Variants in PDE1A observed in about 807,000 individuals in gnomAD.
PDE1A encodes dual specificity calcium/calmodulin-dependent 3',5'-cyclic nucleotide phosphodiesterase 1A.
In PDE1A, 35 loss-of-function variants were observed where a neutral mutation model predicts 61.7. The observed-to-expected ratio is 0.57, with a 90% CI of 0.43 to 0.75. The LOEUF (loss-of-function observed/expected upper bound fraction) is 0.75, where lower values mean the gene tolerates loss of function less well. Ranked by LOEUF, PDE1A falls within the 30% of genes least tolerant of loss-of-function variation. The probability of loss-of-function intolerance (pLI) is 0.00; values close to 1 mark genes in which losing one functional copy is unlikely to be tolerated. For missense variants in PDE1A, 597 were observed against 630.6 expected, an observed-to-expected ratio of 0.95 and a Z score of 0.57; for synonymous variants, 232 against 213.2, an observed-to-expected ratio of 1.09 and a Z score of -0.77.
rs145626816 is a variant in PDE1A, at chr2:182,503,005, T to TTC, written c.101+19269_101+19270dup. ...AGACCCAGTTGTTCAGGTTCTCTCTTTCTCTCTCTCTCTCTCCCCCTCCCC... is the reference window on the plus strand; with the variant it reads ...AGACCCAGTTGTTCAGGTTCTCTCTTTCTCTCTCTCTCTCTCTCCCCCTCCCC... On this transcript the variant is annotated intron_variant, in intron 2 of 14. Transcript: ENST00000410103. Among the ~76,000 whole-genome samples the TTC allele has an allele frequency of 1.5e-3, 189 of 127,486 alleles. 1 individual carries two copies. Among genetic ancestry groups the TTC allele is most frequent in the African/African-American group, 5.6e-3 (181 of 32,326 alleles). The allele number at this position is 127,486 out of a possible 152,430, so 83.6% of individuals were successfully genotyped here. A position where few individuals can be genotyped will look rare whatever the true frequency, so the allele number is the denominator to read the frequency against.
chr2:182,209,203 A>G (rs1277896435), intron 7 of PDE1A, among the ~76,000 whole-genome samples: 2 of 152,292 alleles, frequency 1.3e-5, no homozygotes, highest in East Asian at 1.9e-4. Flanking sequence ...AGGCCTCACA[A>G]TCATGGTGGA....
intron 1 of PDE1A, among the ~76,000 whole-genome samples, chr2:182,273,394 T>C (rs1288579224): frequency 6.6e-6 from 1 of 151,836 alleles, no homozygotes; most frequent in Non-Finnish European, 1.5e-5. Flanking sequence ...AAGTTGATAG[T>C]GATGTTGAGA....
chr2:182,561,284 T>G, the PDE1A span, among the ~76,000 whole-genome samples: 1 of 152,202 alleles, frequency 6.6e-6, no homozygotes, highest in East Asian at 1.9e-4. Context: ...GGGTAGCCAG[T>G]CTTCCCAGCA....
the PDE1A span, among the ~76,000 whole-genome samples, chr2:182,708,536 A>C: frequency 3.3e-5 from 5 of 152,080 alleles, no homozygotes; most frequent in African/African-American, 1.2e-4. Flanking sequence ...GGTTTAATTG[A>C]CTCACAGTTC....
downstream of PDE1A, among the ~76,000 whole-genome samples, chr2:182,143,493 A>AT (rs1690327884): frequency 6.6e-6 from 1 of 151,896 alleles, no homozygotes; most frequent in Non-Finnish European, 1.5e-5. Context: ...TTTTTAAAAA[A>AT]TTTTAATTAA....
chr2:182,495,663 A>C (rs1265029648), intron 2 of PDE1A, among the ~76,000 whole-genome samples: 3 of 152,200 alleles, frequency 2.0e-5, no homozygotes, highest in Non-Finnish European at 4.4e-5. Flanking sequence ...CCAAGAGGCA[A>C]CAAGTAGTCT....
chr2:182,296,409 G>A (rs1694887307), intron 1 of PDE1A, among the ~76,000 whole-genome samples: 2 of 152,098 alleles, frequency 1.3e-5, no homozygotes, highest in Admixed American at 6.5e-5. Flanking sequence ...CAAATATTTG[G>A]ATGTCTGAGT....
intron 2 of PDE1A, among the ~76,000 whole-genome samples, chr2:182,261,596 G>A (rs1692223206): frequency 6.6e-6 from 1 of 152,112 alleles, no homozygotes; most frequent in Non-Finnish European, 1.5e-5. Context: ...CCACGAAGCA[G>A]GGCAGCGTTG....
intron 2 of PDE1A, among the ~76,000 whole-genome samples, chr2:182,462,044 A>G (rs572363940): frequency 2.4e-4 from 37 of 152,238 alleles, no homozygotes; most frequent in Middle Eastern, 6.8e-3. Context: ...TTTAAAAAGT[A>G]TTCTCAGCAA....
chr2:182,573,794 A>G, the PDE1A span, among the ~76,000 whole-genome samples: 1 of 149,218 alleles, frequency 6.7e-6, no homozygotes. Flanking sequence ...TAATATATAA[A>G]ATTCTAGTAA....
At chr2:182,610,924 A>C in the PDE1A span, among the ~76,000 whole-genome samples, 1 of 152,262 alleles carries the variant, frequency 6.6e-6, no homozygotes, top group African/African-American at 2.4e-5. Flanking sequence ...GTGGTTACAA[A>C]GTATTTTATA....
chr2:182,573,357 A>G, the PDE1A span, among the ~76,000 whole-genome samples: 1 of 152,312 alleles, frequency 6.6e-6, no homozygotes, highest in South Asian at 2.1e-4. Flanking sequence ...TAGAGGACAG[A>G]GAGAAACAAG....
At chr2:182,241,582 ATG>A (rs1690515545) in intron 2 of PDE1A, among the ~76,000 whole-genome samples, 1 of 152,226 alleles carries the variant, frequency 6.6e-6, no homozygotes, top group Non-Finnish European at 1.5e-5. Context: ...GGAACTCTTC[ATG>A]TTCCTTTAAA....
chr2:182,204,875 C>T (rs1435614060), intron 8 of PDE1A, among the ~76,000 whole-genome samples: 3 of 152,222 alleles, frequency 2.0e-5, no homozygotes, highest in Admixed American at 1.3e-4. Flanking sequence ...CTCTACCTGA[C>T]AGCATTTTCT....
the PDE1A span, among the ~76,000 whole-genome samples, chr2:182,647,857 G>A: frequency 1.3e-5 from 2 of 152,056 alleles, no homozygotes; most frequent in Middle Eastern, 3.2e-3. Context: ...TTCTGTCATT[G>A]ACAGGAAGAG....
the PDE1A span, among the ~76,000 whole-genome samples, chr2:182,577,431 T>C: frequency 6.6e-6 from 1 of 152,226 alleles, no homozygotes; most frequent in African/African-American, 2.4e-5. Flanking sequence ...TTCCCCCAGA[T>C]GGCAAAGCTC....
intron 1 of PDE1A, among the ~76,000 whole-genome samples, chr2:182,307,119 G>C (rs1483476516): frequency 6.6e-6 from 1 of 152,070 alleles, no homozygotes; most frequent in African/African-American, 2.4e-5. Flanking sequence ...CAAATAACCT[G>C]ATTAAAACAT....
chr2:182,453,897 A>G (rs1350930746), intron 2 of PDE1A, among the ~76,000 whole-genome samples: 1 of 151,978 alleles, frequency 6.6e-6, no homozygotes, highest in Non-Finnish European at 1.5e-5. Flanking sequence ...TATTCAACAC[A>G]GTGTTGGAAG....
intron 1 of PDE1A, among the ~76,000 whole-genome samples, chr2:182,283,527 A>G (rs1693958708): frequency 1.3e-5 from 2 of 151,972 alleles, no homozygotes; most frequent in African/African-American, 4.8e-5. Flanking sequence ...GGGCTCCGGG[A>G]TTTTGATATT....
Sources: allele counts gnomAD v4.1 joint callset (sites outside exome capture counted in the v4.1 genomes callset), GRCh38; gene constraint gnomAD v4.1.1; transcripts MANE v1.5; gene names NCBI Gene and HGNC (gene_info 2026-07-23, HGNC 2026-07-21).